The following EEF2KMT variants were observed in gnomAD, a reference collection of about 807,000 sequenced individuals.
EEF2KMT encodes the protein eukaryotic elongation factor 2 lysine methyltransferase, also known as protein-lysine N-methyltransferase EEF2KMT.
In EEF2KMT, 30 loss-of-function variants were observed where a neutral mutation model predicts 35.1. That is an observed-to-expected ratio of 0.85 (90% confidence interval 0.64 to 1.16). EEF2KMT has a LOEUF of 1.16. Among genes scored for constraint, EEF2KMT ranks in the 50% most tolerant of loss-of-function variants. The pLI is 0.00. For missense variants in EEF2KMT, 499 were observed against 438.2 expected, an observed-to-expected ratio of 1.14 and a Z score of -1.24; for synonymous variants, 190 against 187.7, an observed-to-expected ratio of 1.01 and a Z score of -0.10.
chr16:5,093,386 G>C (rs1287756187), intron 3 of EEF2KMT, 98 bp downstream of exon 3: 37 of 1,580,914 alleles, frequency 2.3e-5, no homozygotes, highest in Non-Finnish European at 2.9e-5. Flanking sequence ...GCCATGCTGG[G>C]GTTTGCAAAG....
rs771063546 is a variant in EEF2KMT at position 5,097,391 on chromosome 16, C to T, written c.96+253G>A. The stretch of plus-strand genomic sequence containing the variant: ...GTGAAAATGATCGTGAACTGTACCC[C>T]ACACCGAGCGCGCGTCTGCCCCCCA... On this transcript the variant is annotated intron_variant, in intron 1 of 7. Coordinates refer to ENST00000427587, the MANE Select transcript of EEF2KMT (RefSeq NM_201400.4). The T allele has an allele frequency of 2.7e-6, 4 of 1,474,952 alleles. No individual in the cohort carries two copies. The South Asian group carries it at 5.1e-5, about 19-fold the overall frequency. 91.4% of individuals were successfully genotyped at this position (1,474,952 alleles called of 1,614,324 possible). A position where few individuals can be genotyped will look rare whatever the true frequency, so the allele number is the denominator to read the frequency against.
At chr16:5,088,299 G>T (rs1758028220) in intron 7 of EEF2KMT, among the ~76,000 whole-genome samples, 1 of 152,218 alleles carries the variant, frequency 6.6e-6, no homozygotes, top group African/African-American at 2.4e-5. Flanking sequence ...GTCTTCGTGT[G>T]CTGGCTTGTT....
intron 7 of EEF2KMT, among the ~76,000 whole-genome samples, chr16:5,088,860 C>T (rs934959812): frequency 5.3e-5 from 8 of 152,186 alleles, no homozygotes; most frequent in African/African-American, 1.9e-4. Flanking sequence ...GGGAACCCTG[C>T]TCTGAAGCAC....
intron 7 of EEF2KMT, among the ~76,000 whole-genome samples, chr16:5,087,643 C>A (rs1957225919): frequency 6.6e-6 from 1 of 151,932 alleles, no homozygotes. Context: ...ACAAACAATA[C>A]AAAAAATAGC....
rs1172401059 is a variant in EEF2KMT, at chr16:5,084,533, G to A, written c.*1099C>T. The A allele has an allele frequency of 8.0e-6, 6 of 749,366 alleles. No individual in the cohort carries two copies. The highest frequency in any genetic ancestry group is 1.3e-5 in the Non-Finnish European group (6 of 453,966). The allele number at this position is 749,366 out of a possible 1,614,324, so 46.4% of individuals were successfully genotyped here. On this transcript the variant is annotated 3_prime_UTR_variant, in exon 8 of 8. Coordinates refer to ENST00000427587, the MANE Select transcript of EEF2KMT (RefSeq NM_201400.4). ...CGGGAGGTGCTCCAGGGCACCAAGT[G>A]TGGGAAAGTGGGACATGCGGGGAAG...
At position 5,095,447 on chromosome 16, in the gene EEF2KMT, C is replaced by A; in HGVS notation, c.159+5G>T. ...CATGAGTCCCAGGGACTCTGGGATT[C>A]TTACCTTGTGCAAAATATCCCGCAG... On this transcript the variant is annotated splice_donor_5th_base_variant and intron_variant, in intron 2 of 7. Coordinates refer to ENST00000427587, the MANE Select transcript of EEF2KMT (RefSeq NM_201400.4). 1 of 1,611,642 alleles carries A rather than the reference C, an allele frequency of 6.2e-7. No individual in the cohort carries two copies. The highest frequency in any genetic ancestry group is 8.5e-7 in the Non-Finnish European group (1 of 1,179,582).
intron 3 of EEF2KMT, 184 bp from the exon 4 acceptor site, chr16:5,092,079 A>C: frequency 8.5e-7 from 1 of 1,171,312 alleles, no homozygotes; most frequent in South Asian, 1.5e-5. Flanking sequence ...GCTACTCTAG[A>C]GGCTGACATG....
At chr16:5,091,283 T>C (rs1394224416) in intron 4 of EEF2KMT, among the ~76,000 whole-genome samples, 13 of 152,190 alleles carry the variant, frequency 8.5e-5, no homozygotes, top group Non-Finnish European at 1.5e-4. Flanking sequence ...AGTTTCACCA[T>C]GTTGGCCAGG....
Position 5,084,778 on chromosome 16 carries a change from C to G in EEF2KMT, c.*854G>C, listed in dbSNP as rs370439294. The G allele has an allele frequency of 3.1e-6, 5 of 1,595,140 alleles. No homozygotes were observed. Among genetic ancestry groups the G allele is most frequent in the Non-Finnish European group, 8.5e-7 (1 of 1,179,574 alleles). ...CTTTTCTCAAACTTTCCTGATCCTGCGGGCAAGCTAAACCAGTTCCGGAAG... is the reference window on the plus strand; with the variant it reads ...CTTTTCTCAAACTTTCCTGATCCTGGGGGCAAGCTAAACCAGTTCCGGAAG... On this transcript the variant is annotated 3_prime_UTR_variant, in exon 8 of 8. Coordinates refer to ENST00000427587, the MANE Select transcript of EEF2KMT (RefSeq NM_201400.4).
At position 5,090,960 on chromosome 16, in the gene EEF2KMT, G is replaced by A. The variant is rs1293881842; in HGVS notation, c.343-395C>T. On this transcript the variant is annotated intron_variant, in intron 4 of 7. Coordinates refer to ENST00000427587, the MANE Select transcript of EEF2KMT (RefSeq NM_201400.4). This position sits in a 1 kb window ranked among gnomAD's most constrained non-coding sequence, Gnocchi z 4.1. ...ATTTTTTTTTGAGCTCTGTCACCCA[G>A]GCTGGAGTCAGTGGCACGATCTTGG... Among the ~76,000 whole-genome samples, 1 of 152,124 alleles carries A rather than the reference G, an allele frequency of 6.6e-6. No individual in the cohort carries two copies. Among genetic ancestry groups the A allele is most frequent in the Non-Finnish European group, 1.5e-5 (1 of 68,030 alleles).
chr16:5,090,364 G>A lies in EEF2KMT; in HGVS notation c.477-15C>T, dbSNP rs200808615. The A allele has an allele frequency of 1.2e-6, 2 of 1,612,068 alleles. No individual in the cohort carries two copies. Among genetic ancestry groups the A allele is most frequent in the Non-Finnish European group, 1.7e-6 (2 of 1,179,862 alleles). Reference sequence around the variant, plus strand: ...CTAGGACAGTCCTGGCGGGAGGAAAGGGGACCGTGTCTGCGACTGCACCAG... The same window carrying A: ...CTAGGACAGTCCTGGCGGGAGGAAAAGGGACCGTGTCTGCGACTGCACCAG... On this transcript the variant is annotated splice_polypyrimidine_tract_variant and intron_variant, in intron 5 of 7. Transcript: ENST00000427587. This position sits in a 1 kb window ranked among gnomAD's most constrained non-coding sequence, Gnocchi z 4.1.
At position 5,090,738 on chromosome 16, in the gene EEF2KMT, C is replaced by T. The variant is rs1452429818; in HGVS notation, c.343-173G>A. 1.3e-5 allele frequency among the ~76,000 whole-genome samples: 2 copies of T among 152,020 alleles called. No individual in the cohort carries two copies. Among genetic ancestry groups the T allele is most frequent in the Non-Finnish European group, 2.9e-5 (2 of 68,008 alleles). On this transcript the variant is annotated intron_variant, in intron 4 of 7. Transcript: ENST00000427587. This position sits in a 1 kb window ranked among gnomAD's most constrained non-coding sequence, Gnocchi z 4.1. ...CAGCTTTCACGGGCCTCAAGGGTGT[C>T]ACGCGGTGTGAAAGACACTCATCTC...
chr16:5,087,514 T>C (rs1471121262), intron 7 of EEF2KMT: 1 of 152,086 alleles, frequency 6.6e-6, no homozygotes. Flanking sequence ...TAAACAAAAA[T>C]GGGGTTGGGC....
Position 5,084,631 on chromosome 16 carries a change from G to C in EEF2KMT, c.*1001C>G. The C allele has an allele frequency of 1.4e-6, 2 of 1,473,656 alleles. No individual in the cohort carries two copies. Among genetic ancestry groups the C allele is most frequent in the Non-Finnish European group, 1.9e-6 (2 of 1,078,606 alleles). 91.3% of individuals were successfully genotyped at this position (1,473,656 alleles called of 1,614,324 possible). A position where few individuals can be genotyped will look rare whatever the true frequency, so the allele number is the denominator to read the frequency against. On this transcript the variant is annotated 3_prime_UTR_variant, in exon 8 of 8. Transcript: ENST00000427587. ...GTGAAGGGTCTCGAGTCCAAGTGAGGGAGTTAGGGACTTGGGAGGGGTTGT... is the reference window on the plus strand; with the variant it reads ...GTGAAGGGTCTCGAGTCCAAGTGAGCGAGTTAGGGACTTGGGAGGGGTTGT...
intron 7 of EEF2KMT, among the ~76,000 whole-genome samples, chr16:5,086,127 G>C (rs1305276806): frequency 1.3e-5 from 2 of 152,206 alleles, no homozygotes; most frequent in Non-Finnish European, 2.9e-5. Flanking sequence ...CTTGAGGTCA[G>C]GAGTTCGAGA....
At chr16:5,088,134 G>T (rs1238652726) in intron 7 of EEF2KMT, among the ~76,000 whole-genome samples, 1 of 151,924 alleles carries the variant, frequency 6.6e-6, no homozygotes, top group Non-Finnish European at 1.5e-5. Flanking sequence ...TGAAGATGGG[G>T]TCCCACTATG....
rs1957085425 is a variant in EEF2KMT at position 5,084,670 on chromosome 16, A to G, written c.*962T>C. 9.4e-6 allele frequency: 15 copies of G among 1,590,928 alleles called. No individual in the cohort carries two copies. In the South Asian group the frequency reaches 1.7e-4, roughly 18 times the overall value. On this transcript the variant is annotated 3_prime_UTR_variant, in exon 8 of 8. Coordinates refer to ENST00000427587, the MANE Select transcript of EEF2KMT (RefSeq NM_201400.4). ...GGGAGGGGTTGTTGTTGGGTCGGGG[A>G]CCTGGGGTCAGCCAGGTGGTGACCT...
At chr16:5,094,858 A>G (rs1247943351) in intron 2 of EEF2KMT, among the ~76,000 whole-genome samples, 1 of 152,152 alleles carries the variant, frequency 6.6e-6, no homozygotes, top group Admixed American at 6.5e-5. Flanking sequence ...CTTCTGGTGC[A>G]CTTCTTTCTG....
chr16:5,084,555 G>T lies in EEF2KMT; in HGVS notation c.*1077C>A. ...AGTGTGGGAAAGTGGGACATGCGGG[G>T]AAGTTTCCAGAAACTGTGATGTCAA... On this transcript the variant is annotated 3_prime_UTR_variant, in exon 8 of 8. Coordinates refer to ENST00000427587, the MANE Select transcript of EEF2KMT (RefSeq NM_201400.4). 1 of 879,498 alleles carries T rather than the reference G, an allele frequency of 1.1e-6. No individual in the cohort carries two copies. The highest frequency in any genetic ancestry group is 1.6e-5 in the South Asian group (1 of 62,618). 54.5% of individuals were successfully genotyped at this position (879,498 alleles called of 1,614,324 possible).
Sources: allele counts gnomAD v4.1 joint callset (sites outside exome capture counted in the v4.1 genomes callset), GRCh38; gene constraint gnomAD v4.1.1; non-coding constraint Gnocchi (gnomAD v3.1); transcripts MANE v1.5; gene names NCBI Gene and HGNC (gene_info 2026-07-23, HGNC 2026-07-21).